The following UST variants were observed in gnomAD, a reference collection of about 807,000 sequenced individuals.
UST encodes uronyl 2-sulfotransferase, also known as chondroitin sulfate 2-O-sulfotransferase.
In UST, 21 loss-of-function variants were observed where a neutral mutation model predicts 45.6. The observed-to-expected ratio is 0.46, with a 90% CI of 0.33 to 0.66. The LOEUF (loss-of-function observed/expected upper bound fraction) is 0.66, where lower values mean the gene tolerates loss of function less well. Ranked by LOEUF, UST falls within the 30% of genes least tolerant of loss-of-function variation. The pLI is 0.02. For missense variants in UST, 463 were observed against 512.4 expected (o/e 0.90, Z 0.93); for synonymous variants, 215 against 200.6 (o/e 1.07, Z -0.61).
chr6:148,814,587 G>A (rs1000433921), intron 1 of UST, among the ~76,000 whole-genome samples: 2 of 152,116 alleles, frequency 1.3e-5, no homozygotes, highest in Admixed American at 1.3e-4. Flanking sequence ...GGCTCTGTAA[G>A]CTCTTAACCC....
intron 1 of UST, among the ~76,000 whole-genome samples, chr6:148,785,690 C>T (rs1295334130): frequency 6.6e-6 from 1 of 152,098 alleles, no homozygotes; most frequent in Non-Finnish European, 1.5e-5. Context: ...CACAACTAAT[C>T]GTTTGGATGA....
rs930495632 is a variant in UST, at chr6:148,930,096, G to A, written c.292-11183G>A. 1.3e-4 allele frequency among the ~76,000 whole-genome samples: 20 copies of A among 152,158 alleles called. 1 individual carries two copies. The South Asian group carries it at 3.7e-3, about 28-fold the overall frequency. ...GATACCAAGACTCCGTTCAAATGCCGTGTTCTCTGTGACCCCTTCCCTGAG... is the reference window on the plus strand; with the variant it reads ...GATACCAAGACTCCGTTCAAATGCCATGTTCTCTGTGACCCCTTCCCTGAG... On this transcript the variant is annotated intron_variant, in intron 2 of 7. Coordinates refer to ENST00000367463, the MANE Select transcript of UST (RefSeq NM_005715.3).
chr6:148,866,394 C>A (rs1778431840), intron 1 of UST, among the ~76,000 whole-genome samples: 1 of 152,116 alleles, frequency 6.6e-6, no homozygotes, highest in African/African-American at 2.4e-5. Context: ...ACCGGCTCTT[C>A]CAAATCTGTG....
chr6:149,072,235 A>G (rs114541289), intron 7 of UST, among the ~76,000 whole-genome samples: 2,029 of 152,364 alleles, frequency 0.013, 38 homozygotes, highest in African/African-American at 0.047. Context: ...GGACTCAGAT[A>G]CTAGAATGCA....
At chr6:149,012,243 G>A (rs1400536297) in intron 5 of UST, among the ~76,000 whole-genome samples, 1 of 152,198 alleles carries the variant, frequency 6.6e-6, no homozygotes, top group Non-Finnish European at 1.5e-5. Flanking sequence ...CTGGCCATCT[G>A]CCACTTTCCA....
chr6:148,917,982 A>C (rs1239473312), intron 2 of UST, among the ~76,000 whole-genome samples: 2 of 152,178 alleles, frequency 1.3e-5, no homozygotes, highest in South Asian at 4.1e-4. Context: ...CTCTCTGTGC[A>C]TTGATAACTG....
intron 1 of UST, among the ~76,000 whole-genome samples, chr6:148,775,851 C>T (rs1272226372): frequency 2.0e-5 from 3 of 151,994 alleles, no homozygotes; most frequent in Admixed American, 6.6e-5. Flanking sequence ...AGGCTGATCT[C>T]GAACTCCTGA....
chr6:148,768,619 T>G (rs1776363328), intron 1 of UST, among the ~76,000 whole-genome samples: 1 of 152,244 alleles, frequency 6.6e-6, no homozygotes, highest in African/African-American at 2.4e-5. Flanking sequence ...TTGGCATTTA[T>G]TTTGGTGTAA....
At chr6:149,009,507 A>C (rs369744363) in intron 5 of UST, among the ~76,000 whole-genome samples, 101 of 151,980 alleles carry the variant, frequency 6.6e-4, no homozygotes, top group South Asian at 2.5e-3. Flanking sequence ...ATTTCAGAAA[A>C]TCAGGGTTAG....
At chr6:148,863,272 C>A (rs1778355477) in intron 1 of UST, among the ~76,000 whole-genome samples, 1 of 152,184 alleles carries the variant, frequency 6.6e-6, no homozygotes, top group African/African-American at 2.4e-5. Flanking sequence ...TATACCCTTT[C>A]TTCCACTTGA....
intron 5 of UST, among the ~76,000 whole-genome samples, chr6:149,003,414 T>C (rs1165279715): frequency 6.6e-6 from 1 of 151,118 alleles, no homozygotes; most frequent in Non-Finnish European, 1.5e-5. Flanking sequence ...TTTAACGTCA[T>C]TTTGATGTCC....
In UST at chr6:149,040,523, T is replaced by C. The variant is rs1436603165; in HGVS notation, c.937+19042T>C. The stretch of plus-strand genomic sequence containing the variant: ...TACAAAAATGAGCCAGGCATGGTGG[T>C]GCATGCCTGTAATCCCAGCTACTCG... On this transcript the variant is annotated intron_variant, in intron 7 of 7. Transcript: ENST00000367463. 2.6e-5 allele frequency among the ~76,000 whole-genome samples: 4 copies of C among 152,108 alleles called. No homozygotes were observed. The East Asian group carries it at 5.8e-4, about 22-fold the overall frequency.
intron 2 of UST, among the ~76,000 whole-genome samples, chr6:148,940,145 C>T (rs1582910461): frequency 2.0e-5 from 3 of 152,066 alleles, no homozygotes; most frequent in African/African-American, 7.2e-5. Flanking sequence ...GAAATCACAA[C>T]GAGATACCAC....
At chr6:149,031,624 A>G (rs993587479) in intron 7 of UST, among the ~76,000 whole-genome samples, 1 of 152,246 alleles carries the variant, frequency 6.6e-6, no homozygotes, top group African/African-American at 2.4e-5. Flanking sequence ...TAACAGGAAA[A>G]TAGAACTTCC....
chr6:148,861,636 G>A (rs192832675), intron 1 of UST, among the ~76,000 whole-genome samples: 140 of 152,240 alleles, frequency 9.2e-4, no homozygotes, highest in African/African-American at 3.2e-3. Context: ...TGGGCATTTA[G>A]TGCTACAAAT....
Position 148,790,737 on chromosome 6 carries a change from C to T in UST, c.247+43060C>T, listed in dbSNP as rs969359774. On this transcript the variant is annotated intron_variant, in intron 1 of 7. Transcript: ENST00000367463. This position sits in a 1 kb window ranked among gnomAD's most constrained non-coding sequence, Gnocchi z 4.2. ...CCTCTCCTCTCGGGGCATCCCACATCCAATGCCTGGTTGATGTGGGGATAC... is the reference window on the plus strand; with the variant it reads ...CCTCTCCTCTCGGGGCATCCCACATTCAATGCCTGGTTGATGTGGGGATAC... 3.3e-4 allele frequency among the ~76,000 whole-genome samples: 50 copies of T among 152,346 alleles called. No individual in the cohort carries two copies. The highest frequency in any genetic ancestry group is 2.6e-3 in the Admixed American group (40 of 15,304).
chr6:148,771,497 A>G (rs990210916), intron 1 of UST, among the ~76,000 whole-genome samples: 32 of 152,230 alleles, frequency 2.1e-4, no homozygotes, highest in African/African-American at 7.7e-4. Context: ...TTTCTAAACC[A>G]GAAGCAAGTT....
intron 1 of UST, among the ~76,000 whole-genome samples, chr6:148,777,801 C>A (rs887832207): frequency 6.6e-6 from 1 of 152,214 alleles, no homozygotes; most frequent in Non-Finnish European, 1.5e-5. Context: ...CCTGCCTCGG[C>A]CTCCGTAATC....
rs149807629 is a variant in UST at position 148,891,229 on chromosome 6, C to T, written c.291+4200C>T. On this transcript the variant is annotated intron_variant, in intron 2 of 7. Coordinates refer to ENST00000367463, the MANE Select transcript of UST (RefSeq NM_005715.3). The stretch of plus-strand genomic sequence containing the variant: ...AGTGTCCACAGACCCGAGAAGCTGA[C>T]GTTTCCCCTCCTTGGCTTCACTTCA... 2.6e-3 allele frequency among the ~76,000 whole-genome samples: 394 copies of T among 152,284 alleles called. 6 individuals are homozygous for T. Among genetic ancestry groups the T allele is most frequent in the African/African-American group, 8.9e-3 (369 of 41,566 alleles).
Sources: allele counts gnomAD v4.1 joint callset (sites outside exome capture counted in the v4.1 genomes callset), GRCh38; gene constraint gnomAD v4.1.1; non-coding constraint Gnocchi (gnomAD v3.1); transcripts MANE v1.5; gene names NCBI Gene and HGNC (gene_info 2026-07-23, HGNC 2026-07-21).